Variants in CABIN1 observed in about 807,000 individuals in gnomAD.
CABIN1 encodes calcineurin-binding protein cabin-1.
In CABIN1, 133 loss-of-function variants were observed where a neutral mutation model predicts 227.7. The ratio of observed to expected loss-of-function variants is 0.58; its 90% CI spans 0.51 to 0.67. The LOEUF (loss-of-function observed/expected upper bound fraction) is 0.67. CABIN1 is among the 30% of genes least tolerant of loss of function. The pLI is 0.00. For synonymous variants in CABIN1, 1,086 were observed against 1,155.1 expected (o/e 0.94, Z 1.21); for missense variants, 2,408 against 2,852.5 (o/e 0.84, Z 3.55).
At position 24,072,398 on chromosome 22, in the gene CABIN1, C is replaced by T. The variant is rs1294539460; in HGVS notation, c.2520C>T (p.Pro840=). ...CTGTGCAGGAGGAGGCCAAGGAGCC[C>T]CACGTCTCTTCAGTGCTACCCTGGA... ...SMAVQEEAKE[P]HVSSVLPWII... is the part of the protein sequence containing the mutation. The change falls in exon 18 of 37, where the codon CCC becomes CCT. Residue 840 remains proline, a synonymous_variant. Coordinates refer to ENST00000263119, the MANE Select transcript of CABIN1 (RefSeq NM_012295.4). 2 of 1,614,080 alleles carry T rather than the reference C, an allele frequency of 1.2e-6. No individual in the cohort carries two copies. Among genetic ancestry groups the T allele is most frequent in the Admixed American group, 1.7e-5 (1 of 60,006 alleles).
intron 29 of CABIN1, among the ~76,000 whole-genome samples, chr22:24,139,623 A>C (rs897724362): frequency 1.5e-4 from 22 of 151,452 alleles, no homozygotes; most frequent in Admixed American, 5.3e-4. Context: ...TTTCCATGAC[A>C]CCAAGTCTTG....
intron 27 of CABIN1, among the ~76,000 whole-genome samples, chr22:24,114,533 T>C (rs2042980567): frequency 6.6e-6 from 1 of 152,252 alleles, no homozygotes; most frequent in South Asian, 2.1e-4. Flanking sequence ...TATTCCCATT[T>C]TATAGCTGAA....
At chr22:24,146,717 T>A (rs2045141940) in intron 29 of CABIN1, among the ~76,000 whole-genome samples, 1 of 152,234 alleles carries the variant, frequency 6.6e-6, no homozygotes, top group African/African-American at 2.4e-5. Flanking sequence ...TAGACCATCG[T>A]TCCTGGTATA....
At chr22:24,106,549 C>G (rs2042529988) in intron 26 of CABIN1, among the ~76,000 whole-genome samples, 1 of 152,224 alleles carries the variant, frequency 6.6e-6, no homozygotes, top group Non-Finnish European at 1.5e-5. Context: ...CATTGTCCTC[C>G]CTACCTTGAC....
chr22:24,074,077 C>G (rs1250486204), intron 18 of CABIN1, among the ~76,000 whole-genome samples: 1 of 151,534 alleles, frequency 6.6e-6, no homozygotes, highest in Non-Finnish European at 1.5e-5. Context: ...ATAATTATTA[C>G]CTCTGGTACC....
chr22:24,155,789 C>A, intron 29 of CABIN1: 1 of 408,172 alleles, frequency 2.4e-6, no homozygotes, highest in Non-Finnish European at 4.4e-6. Flanking sequence ...GCCACCCCTA[C>A]ACCATGCTCT....
chr22:24,019,650 CTTTTTTTTTT>C (rs34361694), intron 1 of CABIN1, among the ~76,000 whole-genome samples: 2 of 87,024 alleles, frequency 2.3e-5, no homozygotes, highest in East Asian at 3.7e-4. Flanking sequence ...TTTCTTTACC[CTTTTTTTTTT>C]TTTTTTTTTT....
rs114259097 is a variant in CABIN1 at position 24,047,725 on chromosome 22, C to T, written c.527-1366C>T. Among the ~76,000 whole-genome samples, 747 of 152,358 alleles carry T rather than the reference C, an allele frequency of 4.9e-3. 6 individuals carry two copies. The highest frequency in any genetic ancestry group is 0.017 in the African/African-American group (707 of 41,584). On this transcript the variant is annotated intron_variant, in intron 6 of 36. Transcript: ENST00000263119. ...TTTCTCCTCTCCCAAGGCTTCCATG[C>T]GCAGATTTCTACTTCTGCTCTGGTT...
chr22:24,144,889 T>C (rs888123754), intron 29 of CABIN1, among the ~76,000 whole-genome samples: 2 of 152,200 alleles, frequency 1.3e-5, no homozygotes, highest in African/African-American at 4.8e-5. Flanking sequence ...TGAGCCCCTA[T>C]GGGAGTCACT....
chr22:24,081,036 G>A (rs1213968036), intron 19 of CABIN1, among the ~76,000 whole-genome samples: 2 of 152,138 alleles, frequency 1.3e-5, no homozygotes, highest in South Asian at 2.1e-4. Context: ...ACTACTCAGG[G>A]CTTCCATTGC....
chr22:24,027,245 A>T (rs1241728046), intron 1 of CABIN1, among the ~76,000 whole-genome samples: 1 of 152,226 alleles, frequency 6.6e-6, no homozygotes, highest in East Asian at 1.9e-4. Context: ...TGCTAAACAC[A>T]CTTAGAAGTT....
At chr22:24,096,939 C>T (rs2041929523) in intron 25 of CABIN1, among the ~76,000 whole-genome samples, 2 of 152,236 alleles carry the variant, frequency 1.3e-5, no homozygotes, top group Admixed American at 1.3e-4. Flanking sequence ...GAGGCCTGCA[C>T]CCAGGCCCTG....
chr22:24,107,956 T>G (rs1033787267), intron 26 of CABIN1, among the ~76,000 whole-genome samples: 2 of 152,210 alleles, frequency 1.3e-5, no homozygotes, highest in Non-Finnish European at 2.9e-5. Flanking sequence ...TCAGGGAGAC[T>G]TCAACTGCGG....
chr22:24,066,926 G>A (rs935233463), intron 15 of CABIN1, 61 bp from the exon 16 acceptor site: 1 of 1,535,636 alleles, frequency 6.5e-7, no homozygotes, highest in Non-Finnish European at 9.0e-7. Context: ...ACACTGGCCA[G>A]ATTTGGTGGG....
chr22:24,158,704 A>G (rs1170743303), intron 29 of CABIN1, among the ~76,000 whole-genome samples: 1 of 152,108 alleles, frequency 6.6e-6, no homozygotes, highest in South Asian at 2.1e-4. Context: ...GCTTTCTTCA[A>G]AAACCCCCCA....
chr22:24,084,500 G>A (rs533867533), intron 20 of CABIN1, 79 bp from the exon 21 acceptor site: 50 of 1,125,960 alleles, frequency 4.4e-5, no homozygotes, highest in South Asian at 1.5e-4. Flanking sequence ...GACAAAGTGC[G>A]TTTCTATGGA....
chr22:24,102,188 G>C (rs2042244080), intron 26 of CABIN1: 2 of 152,390 alleles, frequency 1.3e-5, no homozygotes, highest in Admixed American at 1.3e-4. Context: ...GACTGAATCT[G>C]TGTGTGTTTC....
At chr22:24,080,688 TG>T (rs1338966203) in intron 19 of CABIN1, among the ~76,000 whole-genome samples, 8 of 152,236 alleles carry the variant, frequency 5.3e-5, no homozygotes, top group African/African-American at 1.7e-4. Context: ...AGGTTTCATT[TG>T]TTTTTATTAG....
intron 6 of CABIN1, among the ~76,000 whole-genome samples, chr22:24,045,399 A>C (rs1364844511): frequency 6.6e-6 from 1 of 151,992 alleles, no homozygotes; most frequent in Non-Finnish European, 1.5e-5. Flanking sequence ...GGATCGCTTG[A>C]GCCCAGAAGT....
Sources: allele counts gnomAD v4.1 joint callset (sites outside exome capture counted in the v4.1 genomes callset), GRCh38; gene constraint gnomAD v4.1.1; transcripts MANE v1.5; gene names NCBI Gene and HGNC (gene_info 2026-07-23, HGNC 2026-07-21).